USP40: variants seen among roughly 807,000 people sequenced by gnomAD.
USP40 encodes ubiquitin carboxyl-terminal hydrolase 40.
Under a neutral mutation model 166.2 loss-of-function variants are expected in USP40, and 143 were observed. The observed-to-expected ratio is 0.86, with a 90% confidence interval of 0.75 to 0.99. USP40 has a LOEUF of 0.99. USP40 is among the 50% of genes least tolerant of loss of function. USP40 has a pLI of 0.00. For missense variants in USP40, 1,444 were observed against 1,479.7 expected (o/e 0.98, Z 0.40); for synonymous variants, 498 against 524.0 (o/e 0.95, Z 0.68).
At chr2:233,481,809 C>T (rs1392532461) in intron 30 of USP40, among the ~76,000 whole-genome samples, 3 of 152,242 alleles carry the variant, frequency 2.0e-5, no homozygotes, top group South Asian at 2.1e-4. Context: ...CCTGCATTCC[C>T]GTGACTGGGC....
chr2:233,536,102 T>C (rs538507403), intron 10 of USP40, among the ~76,000 whole-genome samples: 1 of 152,106 alleles, frequency 6.6e-6, no homozygotes, highest in East Asian at 1.9e-4. Context: ...AATCAACAGA[T>C]GGAATGGTCA....
chr2:233,517,786 GTGT>G (rs2125193945), intron 18 of USP40, among the ~76,000 whole-genome samples: 2 of 76,410 alleles, frequency 2.6e-5, no homozygotes, highest in Admixed American at 2.2e-4. Flanking sequence ...ACTGTGGTGT[GTGT>G]GTGTGTGTGT....
chr2:233,489,499 G>C lies in USP40; in HGVS notation c.3013-16C>G. Reference sequence around the variant, plus strand: ...AGGTCATGGCCTAGAAAAAGAAACAGACATTTCTCCAACGGTTTTAAAAAG... The same window carrying C: ...AGGTCATGGCCTAGAAAAAGAAACACACATTTCTCCAACGGTTTTAAAAAG... On this transcript the variant is annotated splice_polypyrimidine_tract_variant and intron_variant, in intron 26 of 31. Coordinates refer to ENST00000678225, the MANE Select transcript of USP40 (RefSeq NM_001365479.2). 1 of 1,566,932 alleles carries C rather than the reference G, an allele frequency of 6.4e-7. No individual in the cohort carries two copies.
chr2:233,538,020 G>A (rs943245324), intron 10 of USP40, among the ~76,000 whole-genome samples: 1 of 152,000 alleles, frequency 6.6e-6, no homozygotes, highest in African/African-American at 2.4e-5. Context: ...AGGAAAAATG[G>A]GAATGGGAAA....
chr2:233,475,741 C>T lies in USP40; in HGVS notation c.*1651G>A, dbSNP rs1377232145. 2.0e-5 allele frequency: 3 copies of T among 152,450 alleles called. No homozygotes were observed. The highest frequency in any genetic ancestry group is 3.8e-4 in the East Asian group (2 of 5,296). 9.4% of individuals were successfully genotyped at this position (152,450 alleles called of 1,614,324 possible). On this transcript the variant is annotated 3_prime_UTR_variant, in exon 32 of 32. Transcript: ENST00000678225. ...ACATTCCGCGAGGCTTCTGGCCTCT[C>T]GAAGGCAAAGCTTTTCAGCGATTTC...
Position 233,566,723 on chromosome 2 carries a change from G to A in USP40, c.-59C>T, listed in dbSNP as rs994257559. On this transcript the variant is annotated 5_prime_UTR_variant, in exon 1 of 32. Coordinates refer to ENST00000678225, the MANE Select transcript of USP40 (RefSeq NM_001365479.2). ...ACCCCCGCCCTGGCCAAAACGCGAAGCGAACGAACCCGCCCCAACTGGGCG... is the reference window on the plus strand; with the variant it reads ...ACCCCCGCCCTGGCCAAAACGCGAAACGAACGAACCCGCCCCAACTGGGCG... 4.1e-6 allele frequency: 4 copies of A among 985,916 alleles called. No homozygotes were observed. The highest frequency in any genetic ancestry group is 3.5e-5 in the African/African-American group (2 of 57,264). 61.1% of individuals were successfully genotyped at this position (985,916 alleles called of 1,614,324 possible).
At chr2:233,558,536 T>C (rs551267827) in intron 4 of USP40, among the ~76,000 whole-genome samples, 1 of 152,342 alleles carries the variant, frequency 6.6e-6, no homozygotes, top group African/African-American at 2.4e-5. Context: ...TCACTCCATT[T>C]CTATGAAATG....
At chr2:233,504,156 A>T (rs529485862) in intron 21 of USP40, among the ~76,000 whole-genome samples, 1 of 152,168 alleles carries the variant, frequency 6.6e-6, no homozygotes, top group Admixed American at 6.5e-5. Context: ...ATGACAGAAA[A>T]TACACAAATA....
chr2:233,511,647 C>G, intron 20 of USP40, 62 bp downstream of exon 20: 1 of 1,284,862 alleles, frequency 7.8e-7, no homozygotes, highest in Non-Finnish European at 1.1e-6. Context: ...AGCTAAGGTA[C>G]TAGTTATAAT....
chr2:233,516,861 T>TG (rs1312588683), intron 18 of USP40, among the ~76,000 whole-genome samples: 54 of 146,854 alleles, frequency 3.7e-4, no homozygotes, highest in African/African-American at 1.4e-3. Flanking sequence ...CGTCTCGAAT[T>TG]GAAAAAAAAA....
Position 233,565,880 on chromosome 2 carries a change from G to C in USP40, c.-19-307C>G, listed in dbSNP as rs149925867. ...GAAAGAAGGGCAGTTAGTGTACAGG[G>C]TTTGGCCCACAATAAGTAACAGCTG... On this transcript the variant is annotated intron_variant, in intron 1 of 31. Coordinates refer to ENST00000678225, the MANE Select transcript of USP40 (RefSeq NM_001365479.2). 4.6e-5 allele frequency among the ~76,000 whole-genome samples: 7 copies of C among 152,278 alleles called. No individual in the cohort carries two copies. The East Asian group carries it at 1.3e-3, about 29-fold the overall frequency.
intron 10 of USP40, among the ~76,000 whole-genome samples, chr2:233,536,471 A>G (rs1180206967): frequency 6.6e-6 from 1 of 152,174 alleles, no homozygotes; most frequent in Non-Finnish European, 1.5e-5. Context: ...AACATGGCAA[A>G]ACCCTCATCT....
chr2:233,532,298 T>C (rs2068599081), intron 11 of USP40, among the ~76,000 whole-genome samples: 1 of 152,166 alleles, frequency 6.6e-6, no homozygotes. Flanking sequence ...CGTTGTAACT[T>C]CAACCTAGCC....
intron 30 of USP40, among the ~76,000 whole-genome samples, chr2:233,484,935 G>T (rs1368648097): frequency 6.6e-6 from 1 of 152,176 alleles, no homozygotes; most frequent in African/African-American, 2.4e-5. Flanking sequence ...GGCGGTTAGG[G>T]GAATCCTTAC....
chr2:233,562,278 T>C (rs1345602813), intron 3 of USP40, among the ~76,000 whole-genome samples: 4 of 146,664 alleles, frequency 2.7e-5, no homozygotes, highest in Admixed American at 6.8e-5. Flanking sequence ...ATGTTTATTG[T>C]GGCATTATTC....
chr2:233,481,104 CAA>C, intron 31 of USP40, 97 bp downstream of exon 31: 1 of 1,174,024 alleles, frequency 8.5e-7, no homozygotes, highest in Non-Finnish European at 1.2e-6. Flanking sequence ...CACTCTGAAT[CAA>C]CAAGAGTTTC....
chr2:233,510,550 A>G (rs2066750065), intron 20 of USP40, among the ~76,000 whole-genome samples: 1 of 151,594 alleles, frequency 6.6e-6, no homozygotes, highest in Admixed American at 6.6e-5. Context: ...TTCCAGGTGC[A>G]TGCCACTACG....
intron 5 of USP40, among the ~76,000 whole-genome samples, chr2:233,555,627 A>C (rs1452238966): frequency 1.3e-5 from 2 of 150,900 alleles, no homozygotes; most frequent in Non-Finnish European, 2.9e-5. Flanking sequence ...CCAAACTTAA[A>C]AAATCACTCT....
chr2:233,548,507 T>G (rs141396141), intron 8 of USP40, among the ~76,000 whole-genome samples: 1 of 152,162 alleles, frequency 6.6e-6, no homozygotes, highest in Non-Finnish European at 1.5e-5. Flanking sequence ...AGTAACTGTA[T>G]AGCTAAGGAA....
Sources: allele counts gnomAD v4.1 joint callset (sites outside exome capture counted in the v4.1 genomes callset), GRCh38; gene constraint gnomAD v4.1.1; transcripts MANE v1.5; gene names NCBI Gene and HGNC (gene_info 2026-07-23, HGNC 2026-07-21).